RASD2: variants seen among roughly 807,000 people sequenced by gnomAD.
RASD2 encodes GTP-binding protein Rhes.
Under a neutral mutation model 15.8 loss-of-function variants are expected in RASD2, and 7 were observed. That is an observed-to-expected ratio of 0.44 (90% CI 0.25 to 0.83). The LOEUF (loss-of-function observed/expected upper bound fraction) is 0.83. Ranked by LOEUF, RASD2 falls within the 40% of genes least tolerant of loss-of-function variation. RASD2 has a pLI of 0.20. For synonymous variants in RASD2, 155 were observed against 153.6 expected, an observed-to-expected ratio of 1.01 and a Z score of -0.07; for missense variants, 274 against 382.8, an observed-to-expected ratio of 0.72 and a Z score of 2.37.
chr22:35,535,417 A>G, the RASD2 span, among the ~76,000 whole-genome samples: 5 of 141,236 alleles, frequency 3.5e-5, no homozygotes, highest in African/African-American at 5.1e-5. Context: ...AAAAAAAAGA[A>G]AAAAAAAAGA....
chr22:35,540,344 C>T (rs1478630416), upstream of RASD2, among the ~76,000 whole-genome samples: 1 of 150,548 alleles, frequency 6.6e-6, no homozygotes, highest in African/African-American at 2.4e-5. Flanking sequence ...CGGCCCCACG[C>T]GCCCGGACAC....
intron 1 of RASD2, among the ~76,000 whole-genome samples, chr22:35,546,065 C>T (rs1934495339): frequency 6.6e-6 from 1 of 152,136 alleles, no homozygotes. Context: ...CTCCGGGCCT[C>T]TGGGTCTCCT....
At chr22:35,547,646 G>A (rs182685485) in intron 2 of RASD2, among the ~76,000 whole-genome samples, 20 of 152,248 alleles carry the variant, frequency 1.3e-4, no homozygotes, top group Non-Finnish European at 2.4e-4. Flanking sequence ...ACAGAGTCTC[G>A]CTCTGTCACC....
In RASD2 at chr22:35,552,218, G is replaced by C. The variant is rs736212; in HGVS notation, c.*186G>C. 235,605 of 709,008 alleles carry C rather than the reference G, an allele frequency of 0.33. 42,872 individuals are homozygous for C. The highest frequency in any genetic ancestry group is 0.57 in the East Asian group (20,804 of 36,554). The allele number at this position is 709,008 out of a possible 1,614,324, so 43.9% of individuals were successfully genotyped here. On this transcript the variant is annotated 3_prime_UTR_variant, in exon 3 of 3. Coordinates refer to ENST00000216127, the MANE Select transcript of RASD2 (RefSeq NM_014310.4). ...GCCTTCTCACAGCTTTCCTGAGTCC[G>C]CTTGTCCACAGCTCCTTGGTGGTTT...
upstream of RASD2, among the ~76,000 whole-genome samples, chr22:35,536,121 A>T (rs1257618920): frequency 6.6e-6 from 1 of 152,160 alleles, no homozygotes; most frequent in Non-Finnish European, 1.5e-5. Context: ...ACTGACTGGC[A>T]CCTGACCCAG....
intron 2 of RASD2, among the ~76,000 whole-genome samples, chr22:35,550,885 C>T (rs1934647160): frequency 6.6e-6 from 1 of 152,206 alleles, no homozygotes; most frequent in African/African-American, 2.4e-5. Context: ...GGAGCATACA[C>T]CCAGTGCTTA....
upstream of RASD2, among the ~76,000 whole-genome samples, chr22:35,535,961 G>A (rs1934242289): frequency 6.6e-6 from 1 of 152,180 alleles, no homozygotes; most frequent in African/African-American, 2.4e-5. Context: ...CCGGGGGCAG[G>A]GTGTGGCTGG....
Position 35,541,511 on chromosome 22 carries a change from C to T in RASD2, c.-10+11C>T, listed in dbSNP as rs1934347381. On this transcript the variant is annotated intron_variant, in intron 1 of 2. Transcript: ENST00000216127. ...GCCCGCCATTCCCAGGTAGGAGACG[C>T]CCCAACAGAGCTGGGCATCTGGGGG... 1 of 152,206 alleles carries T rather than the reference C, an allele frequency of 6.6e-6. No homozygotes were observed. Among genetic ancestry groups the T allele is most frequent in the Non-Finnish European group, 1.5e-5 (1 of 68,066 alleles). 9.4% of individuals were successfully genotyped at this position (152,206 alleles called of 1,614,324 possible). A position where few individuals can be genotyped will look rare whatever the true frequency, so the allele number is the denominator to read the frequency against.
At chr22:35,533,746 A>C in the RASD2 span, among the ~76,000 whole-genome samples, 1 of 3,474 alleles carries the variant, frequency 2.9e-4, no homozygotes, top group Non-Finnish European at 6.3e-4. Context: ...ATGATGGGGA[A>C]GATGATGACA....
chr22:35,532,853 C>T, the RASD2 span, among the ~76,000 whole-genome samples: 1 of 152,060 alleles, frequency 6.6e-6, no homozygotes, highest in Non-Finnish European at 1.5e-5. Flanking sequence ...TTAAAGGGAC[C>T]CACAGAAGAT....
Position 35,546,737 on chromosome 22 carries a change from G to A in RASD2, c.-9-64G>A, listed in dbSNP as rs1009662222. Reference sequence around the variant, plus strand: ...GAGTCCTAGACAGAGGCCTAGAGGAGGCCAAGAGGTGGTGGGGCCAGGTCG... The same window carrying A: ...GAGTCCTAGACAGAGGCCTAGAGGAAGCCAAGAGGTGGTGGGGCCAGGTCG... On this transcript the variant is annotated intron_variant, in intron 1 of 2. Coordinates refer to ENST00000216127, the MANE Select transcript of RASD2 (RefSeq NM_014310.4). 7 of 1,560,670 alleles carry A rather than the reference G, an allele frequency of 4.5e-6. No individual in the cohort carries two copies. The African/African-American group carries it at 6.8e-5, about 15-fold the overall frequency.
chr22:35,539,212 T>A (rs1318410808), upstream of RASD2, among the ~76,000 whole-genome samples: 1 of 152,224 alleles, frequency 6.6e-6, no homozygotes, highest in Non-Finnish European at 1.5e-5. Context: ...ATCAATATCA[T>A]ACCCATTTTA....
At chr22:35,545,341 C>T (rs760441603) in intron 1 of RASD2, among the ~76,000 whole-genome samples, 6 of 152,152 alleles carry the variant, frequency 3.9e-5, no homozygotes, top group Non-Finnish European at 7.3e-5. Flanking sequence ...GCGAGGCACT[C>T]AAGGAAACCG....
Position 35,551,427 on chromosome 22 carries a change from CTGA to C in RASD2, c.272-73_272-71del, listed in dbSNP as rs543988821. On this transcript the variant is annotated intron_variant, in intron 2 of 2. Coordinates refer to ENST00000216127, the MANE Select transcript of RASD2 (RefSeq NM_014310.4). The surrounding 1 kb of genome is among the most constrained non-coding windows in gnomAD (Gnocchi z 4.9). ...CACCTGTGACTCCCAGCTCTTAGGGCTGATGTTCTGTGGCCAGAGGAGGGCAGG... is the reference window on the plus strand; with the variant it reads ...CACCTGTGACTCCCAGCTCTTAGGGCTGTTCTGTGGCCAGAGGAGGGCAGG... The C allele has an allele frequency of 2.7e-4, 400 of 1,477,106 alleles. 3 individuals carry two copies. The East Asian group carries it at 9.1e-3, about 33-fold the overall frequency. 91.5% of individuals were successfully genotyped at this position (1,477,106 alleles called of 1,614,324 possible).
Position 35,553,702 on chromosome 22 carries a change from T to C in RASD2, c.*1670T>C, listed in dbSNP as rs1157411413. 2 of 152,334 alleles carry C rather than the reference T, an allele frequency of 1.3e-5. No individual in the cohort carries two copies. Among genetic ancestry groups the C allele is most frequent in the African/African-American group, 4.8e-5 (2 of 41,546 alleles). 9.4% of individuals were successfully genotyped at this position (152,334 alleles called of 1,614,324 possible). ...CAGTCTGTGAGGGTCCCTGTAGATATTGTGTACACCATGCCCATGTATATA... is the reference window on the plus strand; with the variant it reads ...CAGTCTGTGAGGGTCCCTGTAGATACTGTGTACACCATGCCCATGTATATA... On this transcript the variant is annotated 3_prime_UTR_variant, in exon 3 of 3. Transcript: ENST00000216127.
chr22:35,544,211 T>C (rs951427831), intron 1 of RASD2, among the ~76,000 whole-genome samples: 1 of 152,070 alleles, frequency 6.6e-6, no homozygotes, highest in African/African-American at 2.4e-5. Context: ...GCCAGCAGAG[T>C]CAAGCTGTCT....
chr22:35,546,672 A>G, intron 1 of RASD2, 129 bp from the exon 2 acceptor site: 1 of 1,289,708 alleles, frequency 7.8e-7, no homozygotes, highest in Non-Finnish European at 1.0e-6. Context: ...AAGACCCCTT[A>G]GAACCTCGTC....
chr22:35,542,762 C>A (rs187288727), intron 1 of RASD2, among the ~76,000 whole-genome samples: 6 of 152,338 alleles, frequency 3.9e-5, no homozygotes, highest in Admixed American at 3.3e-4. Context: ...GCCCGTGTGA[C>A]CCCTTCATCT....
Position 35,548,655 on chromosome 22 carries a change from C to A in RASD2, c.271+1575C>A, listed in dbSNP as rs201357340. 7.9e-4 allele frequency among the ~76,000 whole-genome samples: 120 copies of A among 152,340 alleles called. 1 individual carries two copies. The East Asian group carries it at 0.011, about 14-fold the overall frequency. Reference sequence around the variant, plus strand: ...GCCCCTCCTTGAGTGCTTTCTCTTCCAGGCTGGCTTTTCCGAGCATCTGAC... The same window carrying A: ...GCCCCTCCTTGAGTGCTTTCTCTTCAAGGCTGGCTTTTCCGAGCATCTGAC... On this transcript the variant is annotated intron_variant, in intron 2 of 2. Transcript: ENST00000216127.
Sources: allele counts gnomAD v4.1 joint callset (sites outside exome capture counted in the v4.1 genomes callset), GRCh38; gene constraint gnomAD v4.1.1; non-coding constraint Gnocchi (gnomAD v3.1); transcripts MANE v1.5; gene names NCBI Gene and HGNC (gene_info 2026-07-23, HGNC 2026-07-21).